The following AIM2 variants were observed in gnomAD, a reference collection of about 807,000 sequenced individuals.
AIM2 encodes the protein absent in melanoma 2.
A neutral mutation model predicts 27.7 loss-of-function variants in AIM2; 30 were observed. The ratio of observed to expected loss-of-function variants is 1.08; its 90% CI spans 0.81 to 1.47. The LOEUF (loss-of-function observed/expected upper bound fraction) is 1.47. Among genes scored for constraint, AIM2 ranks in the 40% most tolerant of loss-of-function variants. AIM2 has a pLI of 0.00. For synonymous variants in AIM2, 141 were observed against 145.3 expected, an observed-to-expected ratio of 0.97 and a Z score of 0.21; for missense variants, 358 against 411.3, an observed-to-expected ratio of 0.87 and a Z score of 1.12.
intron 2 of AIM2, 28 bp downstream of exon 2, chr1:159,073,210 C>T (rs773769498): frequency 4.0e-5 from 65 of 1,611,332 alleles, no homozygotes; most frequent in African/African-American, 9.3e-5. Context: ...GAAAAAGGGA[C>T]GGGGCAGGTG....
intron 1 of AIM2, among the ~76,000 whole-genome samples, chr1:159,136,139 T>C (rs959714408): frequency 6.6e-6 from 1 of 152,188 alleles, no homozygotes; most frequent in African/African-American, 2.4e-5. Context: ...GGGTAACTAC[T>C]ATTTAAAATA....
At chr1:159,146,107 CAAA>C (rs200424411) in intron 1 of AIM2, among the ~76,000 whole-genome samples, 3 of 88,794 alleles carry the variant, frequency 3.4e-5, no homozygotes, top group Non-Finnish European at 2.4e-5. Flanking sequence ...ACTGTCCCCT[CAAA>C]AAAAAAAAAA....
chr1:159,135,999 AG>A (rs1225515787), intron 1 of AIM2, among the ~76,000 whole-genome samples: 4 of 152,224 alleles, frequency 2.6e-5, no homozygotes, highest in African/African-American at 9.6e-5. Flanking sequence ...CCCCACGCAG[AG>A]AAGTCCTAAC....
the AIM2 span, chr1:159,055,190 G>A: frequency 4.8e-6 from 1 of 206,444 alleles, no homozygotes; most frequent in Non-Finnish European, 9.8e-6. Context: ...CCATCCATGA[G>A]TTGCTTAAAA....
chr1:159,065,884 A>G (rs1656067307), intron 4 of AIM2, 26 bp downstream of exon 4: 3 of 1,556,442 alleles, frequency 1.9e-6, no homozygotes, highest in South Asian at 1.2e-5. Context: ...TTACTAATCA[A>G]TATGAAATTA....
chr1:159,077,366 G>A (rs1656649246), upstream of AIM2, among the ~76,000 whole-genome samples: 1 of 152,238 alleles, frequency 6.6e-6, no homozygotes, highest in South Asian at 2.1e-4. Context: ...ACTAAAGATG[G>A]TTAATCCGGA....
chr1:159,139,748 A>G (rs573368777), intron 1 of AIM2, among the ~76,000 whole-genome samples: 14 of 152,244 alleles, frequency 9.2e-5, no homozygotes, highest in African/African-American at 3.4e-4. Flanking sequence ...ATCCCAACAC[A>G]CTGTCTATTT....
At position 159,105,795 on chromosome 1, in the gene AIM2, G is replaced by A. The variant is rs1446039352; in HGVS notation, c.-16+34636C>T. On this transcript the variant is annotated intron_variant, in intron 1 of 2. Transcript: ENST00000368129. ...TTTATGGGCTCAGAAGAGAGAAAGTGTGTAGTTATTGGTCCATGGGTAGTC... is the reference window on the plus strand; with the variant it reads ...TTTATGGGCTCAGAAGAGAGAAAGTATGTAGTTATTGGTCCATGGGTAGTC... Among the ~76,000 whole-genome samples the A allele has an allele frequency of 3.3e-5, 5 of 152,156 alleles. No homozygotes were observed. The East Asian group carries it at 5.8e-4, about 18-fold the overall frequency.
chr1:159,082,297 G>C (rs1436691094), intron 1 of AIM2, among the ~76,000 whole-genome samples: 3 of 152,078 alleles, frequency 2.0e-5, no homozygotes, highest in African/African-American at 4.8e-5. Flanking sequence ...AATTATTCAG[G>C]AATCTCCATG....
chr1:159,055,173 C>T, the AIM2 span: 1 of 240,712 alleles, frequency 4.2e-6, no homozygotes, highest in Non-Finnish European at 8.1e-6. Flanking sequence ...CCAGCAGTCT[C>T]TTTAATCCAT....
upstream of AIM2, among the ~76,000 whole-genome samples, chr1:159,142,510 C>T (rs1400079424): frequency 1.3e-5 from 2 of 152,062 alleles, no homozygotes; most frequent in African/African-American, 4.8e-5. Context: ...CTCACACAGC[C>T]CTCCTGTATC....
At position 159,095,894 on chromosome 1, in the gene AIM2, A is replaced by G. The variant is rs140990640; in HGVS notation, c.-15-29565T>C. 9.4e-3 allele frequency among the ~76,000 whole-genome samples: 1,438 copies of G among 152,348 alleles called. 9 individuals are homozygous for G. The highest frequency in any genetic ancestry group is 0.015 in the Non-Finnish European group (1,001 of 68,026). On this transcript the variant is annotated intron_variant, in intron 1 of 2. Transcript: ENST00000368129. ...TCATTTTTCATTTCAGGGATATTAT[A>G]GTGAAAGGAGGGATCAAATTGAGAA...
intron 1 of AIM2, among the ~76,000 whole-genome samples, chr1:159,075,310 T>G (rs1005866143): frequency 1.6e-4 from 24 of 151,900 alleles, no homozygotes; most frequent in African/African-American, 5.8e-4. Flanking sequence ...ATTATCTAAA[T>G]AGAATAGTAA....
chr1:159,143,855 C>T (rs1160649944), upstream of AIM2, among the ~76,000 whole-genome samples: 2 of 152,100 alleles, frequency 1.3e-5, no homozygotes, highest in African/African-American at 2.4e-5. Context: ...GTTCTACTCT[C>T]GAGAATCCCA....
chr1:159,118,160 T>C (rs1417717698), intron 1 of AIM2, among the ~76,000 whole-genome samples: 1 of 152,194 alleles, frequency 6.6e-6, no homozygotes, highest in Non-Finnish European at 1.5e-5. Context: ...CATTAGTAGT[T>C]AGCTTTTTCA....
chr1:159,110,520 G>A (rs1286865528), intron 1 of AIM2, among the ~76,000 whole-genome samples: 1 of 152,030 alleles, frequency 6.6e-6, no homozygotes, highest in Non-Finnish European at 1.5e-5. Context: ...GGTATACCAG[G>A]GTCTATGGAC....
chr1:159,123,793 G>A (rs758302257), intron 1 of AIM2, among the ~76,000 whole-genome samples: 19 of 152,250 alleles, frequency 1.2e-4, no homozygotes, highest in South Asian at 4.1e-4. Context: ...CCACAGTGTC[G>A]GAAGGTAGCA....
At chr1:159,114,846 G>A (rs2102032818) in intron 1 of AIM2, among the ~76,000 whole-genome samples, 1 of 152,306 alleles carries the variant, frequency 6.6e-6, no homozygotes, top group Non-Finnish European at 1.5e-5. Flanking sequence ...AATCAGGCAG[G>A]AGAAGGAAAT....
chr1:159,102,384 T>C (rs1657335398), intron 1 of AIM2, among the ~76,000 whole-genome samples: 1 of 152,104 alleles, frequency 6.6e-6, no homozygotes, highest in African/African-American at 2.4e-5. Context: ...GCTAGGGCAG[T>C]GTGGAAGGGA....
Sources: gnomAD v4.1 joint callset for allele counts (sites outside exome capture counted in the v4.1 genomes callset) on GRCh38, gnomAD v4.1.1 for gene constraint, MANE v1.5 for transcripts, NCBI Gene and HGNC (gene_info 2026-07-23, HGNC 2026-07-21) for gene names.